Variants in XKR7 observed in about 807,000 individuals in gnomAD.
XKR7 encodes the protein XK related 7.
A neutral mutation model predicts 42.2 loss-of-function variants in XKR7; 11 were observed. The observed-to-expected ratio is 0.26, with a 90% CI of 0.16 to 0.43. The LOEUF is 0.43. Among genes scored for constraint, XKR7 ranks in the 20% least tolerant of loss-of-function variants. XKR7 has a pLI of 1.00. For missense variants in XKR7, 710 were observed against 802.2 expected (o/e 0.89, Z 1.39); for synonymous variants, 346 against 366.4 (o/e 0.94, Z 0.64).
intron 1 of XKR7, among the ~76,000 whole-genome samples, chr20:31,978,851 G>A (rs1465421546): frequency 6.6e-6 from 1 of 152,076 alleles, no homozygotes; most frequent in Admixed American, 6.6e-5. Flanking sequence ...ACATCGCTAA[G>A]TTGCTGGGCA....
At chr20:31,992,737 T>A (rs1210549986) in intron 1 of XKR7, among the ~76,000 whole-genome samples, 1 of 152,126 alleles carries the variant, frequency 6.6e-6, no homozygotes. Context: ...CTAAATGGGA[T>A]GTTCCTGGCC....
At chr20:31,974,462 T>C (rs2064477027) in intron 1 of XKR7, among the ~76,000 whole-genome samples, 1 of 152,204 alleles carries the variant, frequency 6.6e-6, no homozygotes, top group South Asian at 2.1e-4. Context: ...TTTCTGTGAT[T>C]TGGGGCAAGT....
intron 1 of XKR7, among the ~76,000 whole-genome samples, chr20:31,981,773 C>T (rs113953661): frequency 6.6e-6 from 1 of 152,176 alleles, no homozygotes; most frequent in African/African-American, 2.4e-5. Flanking sequence ...CACTTCGTGT[C>T]GTGCTTTCTT....
intron 1 of XKR7, among the ~76,000 whole-genome samples, chr20:31,969,794 C>A (rs1401036270): frequency 1.3e-5 from 2 of 152,108 alleles, no homozygotes; most frequent in African/African-American, 4.8e-5. Flanking sequence ...GCATGAGGGC[C>A]CTGCAGACTG....
At chr20:31,974,455 C>T (rs2064476998) in intron 1 of XKR7, among the ~76,000 whole-genome samples, 1 of 152,208 alleles carries the variant, frequency 6.6e-6, no homozygotes, top group Non-Finnish European at 1.5e-5. Flanking sequence ...CTGCCACTTT[C>T]TGTGATTTGG....
At chr20:31,989,280 C>CT (rs1555861216) in intron 1 of XKR7, among the ~76,000 whole-genome samples, 1 of 118,662 alleles carries the variant, frequency 8.4e-6, no homozygotes, top group Non-Finnish European at 1.9e-5. Context: ...AGGACACCCC[C>CT]CCCCCAGCGC....
chr20:31,978,137 G>A (rs918800662), intron 1 of XKR7, among the ~76,000 whole-genome samples: 1 of 151,394 alleles, frequency 6.6e-6, no homozygotes, highest in Non-Finnish European at 1.5e-5. Context: ...AGATGGTCAC[G>A]CTCTGTTGCC....
chr20:31,995,683 G>A lies in XKR7; in HGVS notation c.787+413G>A, dbSNP rs566151452. On this transcript the variant is annotated intron_variant, in intron 2 of 2. Coordinates refer to ENST00000562532, the MANE Select transcript of XKR7 (RefSeq NM_001011718.2). The surrounding 1 kb of genome is among the most constrained non-coding windows in gnomAD (Gnocchi z 4.1). ...TCTCCTGGGGACCCCCTGCCTCATA[G>A]ACCTGGCCAATCACCATCAGTTTCC... Among the ~76,000 whole-genome samples, 1 of 150,758 alleles carries A rather than the reference G, an allele frequency of 6.6e-6. No homozygotes were observed. The highest frequency in any genetic ancestry group is 2.1e-4 in the South Asian group (1 of 4,772).
rs2064586509 is a variant in XKR7 at position 31,995,306 on chromosome 20, A to G, written c.787+36A>G. On this transcript the variant is annotated intron_variant, in intron 2 of 2. Transcript: ENST00000562532. This position sits in a 1 kb window ranked among gnomAD's most constrained non-coding sequence, Gnocchi z 4.1. ...CCCTTCACCCTCTGCGCCTGGGACC[A>G]CCCCACCGGGCCTTTCTCCCTGCTT... 5.9e-6 allele frequency: 9 copies of G among 1,531,010 alleles called. No individual in the cohort carries two copies. The highest frequency in any genetic ancestry group is 7.9e-6 in the Non-Finnish European group (9 of 1,145,410). The allele number at this position is 1,531,010 out of a possible 1,614,324, so 94.8% of individuals were successfully genotyped here. A position where few individuals can be genotyped will look rare whatever the true frequency, so the allele number is the denominator to read the frequency against.
In XKR7 at chr20:31,995,025, G is replaced by T; in HGVS notation, c.585-43G>T. 1 of 1,538,458 alleles carries T rather than the reference G, an allele frequency of 6.5e-7. No homozygotes were observed. Among genetic ancestry groups the T allele is most frequent in the Non-Finnish European group, 8.7e-7 (1 of 1,145,140 alleles). On this transcript the variant is annotated intron_variant, in intron 1 of 2. Transcript: ENST00000562532. The surrounding 1 kb of genome is among the most constrained non-coding windows in gnomAD (Gnocchi z 4.1). Reference sequence around the variant, plus strand: ...TCGGGGCTGGTGCGACAGAGCGAGAGGAACCAGCGCGCGGGAGCCTGAGCA... The same window carrying T: ...TCGGGGCTGGTGCGACAGAGCGAGATGAACCAGCGCGCGGGAGCCTGAGCA...
At chr20:31,989,619 T>C (rs1388717477) in intron 1 of XKR7, among the ~76,000 whole-genome samples, 1 of 151,914 alleles carries the variant, frequency 6.6e-6, no homozygotes, top group East Asian at 1.9e-4. Flanking sequence ...ACTGGGGATT[T>C]TGTTGTTTTT....
At chr20:31,970,325 C>T (rs1177858633) in intron 1 of XKR7, 1 of 152,164 alleles carries the variant, frequency 6.6e-6, no homozygotes, top group African/African-American at 2.4e-5. Context: ...CTGGCTATCC[C>T]CCCATTCAGA....
intron 2 of XKR7, 134 bp from the exon 3 acceptor site, chr20:31,996,371 C>T: frequency 3.2e-6 from 2 of 634,008 alleles, no homozygotes; most frequent in Non-Finnish European, 5.1e-6. Context: ...CCCCACACCC[C>T]TGCTGATCCA....
chr20:31,987,527 A>G (rs931299861), intron 1 of XKR7, among the ~76,000 whole-genome samples: 2 of 151,484 alleles, frequency 1.3e-5, no homozygotes, highest in African/African-American at 2.4e-5. Context: ...CAGACAGACC[A>G]CCAAACAGAC....
chr20:31,987,719 A>G (rs573265603), intron 1 of XKR7, among the ~76,000 whole-genome samples: 1 of 152,366 alleles, frequency 6.6e-6, no homozygotes, highest in South Asian at 2.1e-4. Flanking sequence ...AGACAGACAG[A>G]AAAGCAGACC....
intron 1 of XKR7, among the ~76,000 whole-genome samples, chr20:31,980,923 G>A (rs1187520805): frequency 6.6e-6 from 1 of 151,950 alleles, no homozygotes; most frequent in Non-Finnish European, 1.5e-5. Context: ...AATATATCCT[G>A]GCATGGTGGT....
chr20:31,981,891 C>CT (rs1484617693), intron 1 of XKR7, among the ~76,000 whole-genome samples: 7 of 152,168 alleles, frequency 4.6e-5, no homozygotes, highest in Non-Finnish European at 1.0e-4. Flanking sequence ...GGCTACCTTC[C>CT]CTGCCTCCTT....
At chr20:31,994,983 C>T (rs2064584058) in intron 1 of XKR7, 85 bp from the exon 2 acceptor site, 1 of 1,514,084 alleles carries the variant, frequency 6.6e-7, no homozygotes, top group Non-Finnish European at 8.8e-7. Flanking sequence ...GACTTGCCCC[C>T]TGCGCCTGTG....
rs1033140312 is a variant in XKR7 at position 31,995,499 on chromosome 20, C to A, written c.787+229C>A. On this transcript the variant is annotated intron_variant, in intron 2 of 2. Coordinates refer to ENST00000562532, the MANE Select transcript of XKR7 (RefSeq NM_001011718.2). The surrounding 1 kb of genome is among the most constrained non-coding windows in gnomAD (Gnocchi z 4.1). ...TACTCAGAGTGAGGAGGGACCTGGC[C>A]CCTCCACTCCCTCGACACCCATCAG... Among the ~76,000 whole-genome samples the A allele has an allele frequency of 5.3e-5, 8 of 151,972 alleles. No homozygotes were observed. Among genetic ancestry groups the A allele is most frequent in the South Asian group, 2.1e-4 (1 of 4,824 alleles).
Sources: allele counts gnomAD v4.1 joint callset (sites outside exome capture counted in the v4.1 genomes callset), GRCh38; gene constraint gnomAD v4.1.1; non-coding constraint Gnocchi (gnomAD v3.1); transcripts MANE v1.5; gene names NCBI Gene and HGNC (gene_info 2026-07-23, HGNC 2026-07-21).